The following KAT7 variants were observed in gnomAD, a reference collection of about 807,000 sequenced individuals.
The protein encoded by KAT7 is histone acetyltransferase KAT7.
Under a neutral mutation model 82.1 loss-of-function variants are expected in KAT7, and 10 were observed. The observed-to-expected ratio is 0.12, with a 90% CI of 0.08 to 0.21. The LOEUF (loss-of-function observed/expected upper bound fraction) is 0.21. Ranked by LOEUF, KAT7 falls within the 10% of genes least tolerant of loss-of-function variation. KAT7 has a pLI of 1.00. For missense variants in KAT7, 378 were observed against 760.9 expected, an observed-to-expected ratio of 0.50 and a Z score of 5.92; for synonymous variants, 250 against 262.5, an observed-to-expected ratio of 0.95 and a Z score of 0.46.
intron 12 of KAT7, 45 bp downstream of exon 12, chr17:49,823,340 T>C: frequency 9.8e-7 from 1 of 1,019,034 alleles, no homozygotes. Context: ...GCAGGGACCA[T>C]GTGAATATTG....
At chr17:49,809,667 C>A (rs911160249) in intron 6 of KAT7, among the ~76,000 whole-genome samples, 1 of 152,184 alleles carries the variant, frequency 6.6e-6, no homozygotes, top group African/African-American at 2.4e-5. Context: ...GGTCCTAAAC[C>A]TCCTCCTGCC....
chr17:49,816,401 A>C (rs543400997), intron 8 of KAT7, among the ~76,000 whole-genome samples: 41 of 143,526 alleles, frequency 2.9e-4, no homozygotes, highest in African/African-American at 9.7e-4. Flanking sequence ...AGTTTGATAC[A>C]TTGGTTTTCC....
intron 6 of KAT7, among the ~76,000 whole-genome samples, chr17:49,810,183 G>A (rs1292424510): frequency 2.6e-5 from 4 of 152,198 alleles, no homozygotes; most frequent in African/African-American, 7.2e-5. Context: ...TATACCCAGT[G>A]CTTGGCAGGT....
At chr17:49,818,206 C>T (rs2074257457) in intron 9 of KAT7, among the ~76,000 whole-genome samples, 195 bp downstream of exon 9, 2 of 152,154 alleles carry the variant, frequency 1.3e-5, no homozygotes, top group South Asian at 4.1e-4. Context: ...CTGGGTGCCA[C>T]CCAAAGCAGC....
rs2074437334 is a variant in KAT7, at chr17:49,833,097, C to T, written c.*5595C>T. 1.3e-5 allele frequency: 2 copies of T among 152,156 alleles called. No homozygotes were observed. The highest frequency in any genetic ancestry group is 4.1e-4 in the South Asian group (2 of 4,828). 9.4% of individuals were successfully genotyped at this position (152,156 alleles called of 1,614,324 possible). On this transcript the variant is annotated 3_prime_UTR_variant, in exon 15 of 15. Transcript: ENST00000259021. The stretch of plus-strand genomic sequence containing the variant: ...CCCTGGTGCCAAAACATCAGTTTGC[C>T]CCTAACCTCTTGTGCAATACCTTTA...
chr17:49,808,453 CTTT>C (rs528916586), intron 5 of KAT7, among the ~76,000 whole-genome samples: 167 of 130,592 alleles, frequency 1.3e-3, no homozygotes, highest in Middle Eastern at 4.3e-3. Flanking sequence ...TTCTTTCTTT[CTTT>C]TTTTTTTTTT....
chr17:49,820,833 G>A (rs953098470), intron 9 of KAT7, among the ~76,000 whole-genome samples: 15 of 151,494 alleles, frequency 9.9e-5, no homozygotes, highest in African/African-American at 3.4e-4. Flanking sequence ...ACTTGCAGGG[G>A]AGAAGGGCAG....
At chr17:49,815,600 C>G in intron 7 of KAT7, 1 of 432,250 alleles carries the variant, frequency 2.3e-6, no homozygotes, top group Non-Finnish European at 4.1e-6. Flanking sequence ...ATTTCCTCTC[C>G]AGAATCACTG....
chr17:49,792,675 G>A (rs975915264), intron 2 of KAT7, among the ~76,000 whole-genome samples: 6 of 152,116 alleles, frequency 3.9e-5, no homozygotes, highest in Non-Finnish European at 7.3e-5. Context: ...TAAATTATAT[G>A]CAATATTCAA....
At position 49,829,236 on chromosome 17, in the gene KAT7, C is replaced by G. The variant is rs2074402703; in HGVS notation, c.*1734C>G. The G allele has an allele frequency of 6.6e-6, 1 of 152,182 alleles. No homozygotes were observed. The highest frequency in any genetic ancestry group is 2.1e-4 in the South Asian group (1 of 4,834). 9.4% of individuals were successfully genotyped at this position (152,182 alleles called of 1,614,324 possible). A position where few individuals can be genotyped will look rare whatever the true frequency, so the allele number is the denominator to read the frequency against. ...GGTTTGTGGCTATGGAATGTTTTTC[C>G]CTGTGATACAGGCTGTCTGTAAAGA... On this transcript the variant is annotated 3_prime_UTR_variant, in exon 15 of 15. Coordinates refer to ENST00000259021, the MANE Select transcript of KAT7 (RefSeq NM_007067.5).
chr17:49,803,697 T>G (rs1222986628), intron 4 of KAT7, among the ~76,000 whole-genome samples: 1 of 152,122 alleles, frequency 6.6e-6, no homozygotes, highest in East Asian at 1.9e-4. Flanking sequence ...GTGCTGTGAT[T>G]ACAAGTGTGA....
rs1474795403 is a variant in KAT7, at chr17:49,828,295, C to T, written c.*793C>T. 2 of 152,174 alleles carry T rather than the reference C, an allele frequency of 1.3e-5. No individual in the cohort carries two copies. The highest frequency in any genetic ancestry group is 1.3e-4 in the Admixed American group (2 of 15,280). The allele number at this position is 152,174 out of a possible 1,614,324, so 9.4% of individuals were successfully genotyped here. A position where few individuals can be genotyped will look rare whatever the true frequency, so the allele number is the denominator to read the frequency against. On this transcript the variant is annotated 3_prime_UTR_variant, in exon 15 of 15. Coordinates refer to ENST00000259021, the MANE Select transcript of KAT7 (RefSeq NM_007067.5). ...TACTCACTAGTAAATATTTCCTTCT[C>T]TCTTTACTCCCACTTTTTACGTTTG...
At chr17:49,807,235 G>GA (rs1250777610) in intron 5 of KAT7, among the ~76,000 whole-genome samples, 1 of 152,078 alleles carries the variant, frequency 6.6e-6, no homozygotes, top group South Asian at 2.1e-4. Context: ...ATATTGTGAG[G>GA]AAAAAAAGAC....
chr17:49,812,230 A>C (rs966596728), intron 7 of KAT7, among the ~76,000 whole-genome samples: 3 of 148,616 alleles, frequency 2.0e-5, no homozygotes, highest in African/African-American at 7.4e-5. Context: ...TTTCGCTTAA[A>C]AATCTTTTTT....
intron 13 of KAT7, chr17:49,826,485 G>A: frequency 1.9e-6 from 1 of 535,742 alleles, no homozygotes. Context: ...TTTCTAAGGG[G>A]CCAAGAGTAG....
At chr17:49,821,597 T>C (rs1598086710) in intron 10 of KAT7, 53 bp from the exon 11 acceptor site, 4 of 1,602,780 alleles carry the variant, frequency 2.5e-6, no homozygotes, top group Non-Finnish European at 3.4e-6. Flanking sequence ...TTTAGGCCTT[T>C]ATCTGTTTAG....
intron 11 of KAT7, 96 bp downstream of exon 11, chr17:49,821,886 C>A: frequency 9.2e-7 from 1 of 1,088,584 alleles, no homozygotes; most frequent in Non-Finnish European, 1.4e-6. Flanking sequence ...AGAAGCTGTA[C>A]TCTGGGCAAT....
intron 2 of KAT7, among the ~76,000 whole-genome samples, chr17:49,793,214 C>T (rs540851055): frequency 1.3e-5 from 2 of 152,324 alleles, no homozygotes; most frequent in East Asian, 3.9e-4. Context: ...CTTGGACTTA[C>T]TCTTGGCAGA....
At chr17:49,791,326 G>C (rs943902456) in intron 1 of KAT7, among the ~76,000 whole-genome samples, 3 of 152,172 alleles carry the variant, frequency 2.0e-5, no homozygotes. Context: ...ATCTCCAAAT[G>C]GTCTTGGTTA....
Sources: gnomAD v4.1 joint callset for allele counts (sites outside exome capture counted in the v4.1 genomes callset) on GRCh38, gnomAD v4.1.1 for gene constraint, MANE v1.5 for transcripts, NCBI Gene and HGNC (gene_info 2026-07-23, HGNC 2026-07-21) for gene names.